The following ASPRV1 variants were observed in gnomAD, a reference collection of about 807,000 sequenced individuals.
The protein encoded by ASPRV1 is aspartic peptidase retroviral like 1, also known as retroviral-like aspartic protease 1.
Under a neutral mutation model 11.0 loss-of-function variants are expected in ASPRV1, and 7 were observed. The observed-to-expected ratio is 0.64, with a 90% CI of 0.36 to 1.20. ASPRV1 has a LOEUF of 1.20. Ranked by LOEUF, ASPRV1 falls within the 50% of genes most tolerant of loss-of-function variation. ASPRV1 has a pLI of 0.02. For missense variants in ASPRV1, 299 were observed against 320.0 expected, an observed-to-expected ratio of 0.93 and a Z score of 0.50; for synonymous variants, 136 against 138.4, an observed-to-expected ratio of 0.98 and a Z score of 0.12.
Position 69,960,947 on chromosome 2 carries a change from C to G in ASPRV1, c.490G>C (p.Gly164Arg), listed in dbSNP as rs1678073690. ...PFENVVKVAN[G>R]AEMKILGVWD... ...ACACCCAGGATCTTCATTTCAGCAC[C>G]ATTGGCCACCTTTACCACATTCTCA... The change falls in exon 1 of 1, where the codon GGT becomes CGT. Residue 164 changes from glycine to arginine, a missense_variant. Physicochemically the swap from Gly to Arg is moderately radical, Grantham distance 125 (BLOSUM62 -2). Transcript: ENST00000320256. 6.2e-7 allele frequency: 1 copy of G among 1,613,990 alleles called. No homozygotes were observed. The highest frequency in any genetic ancestry group is 8.5e-7 in the Non-Finnish European group (1 of 1,180,014).
chr2:69,986,776 G>C, the ASPRV1 span, among the ~76,000 whole-genome samples: 12 of 152,346 alleles, frequency 7.9e-5, no homozygotes, highest in East Asian at 1.9e-3. Flanking sequence ...CACCCATTGG[G>C]ACATTTGTGG....
At chr2:70,000,788 C>CAAAAAAAAAAAAAAAAAAAAAAAAAA in the ASPRV1 span, among the ~76,000 whole-genome samples, 6 of 42,038 alleles carry the variant, frequency 1.4e-4, no homozygotes, top group African/African-American at 2.7e-4. Context: ...GACCCTGCCT[C>CAAAAAAAAAAAAAAAAAAAAAAAAAA]AAAAAAAAAA....
chr2:70,054,749 C>A, the ASPRV1 span, among the ~76,000 whole-genome samples: 1 of 152,146 alleles, frequency 6.6e-6, no homozygotes, highest in Non-Finnish European at 1.5e-5. Flanking sequence ...CAAATAACCA[C>A]ATCTCCCCCT....
At chr2:70,068,902 G>C in the ASPRV1 span, among the ~76,000 whole-genome samples, 1 of 134,416 alleles carries the variant, frequency 7.4e-6, no homozygotes, top group Non-Finnish European at 1.5e-5. Context: ...CAGAGATTGT[G>C]CCATTGCACT....
the ASPRV1 span, among the ~76,000 whole-genome samples, chr2:70,025,469 A>G: frequency 2.0e-5 from 3 of 152,288 alleles, no homozygotes; most frequent in South Asian, 6.2e-4. Flanking sequence ...AAGGATGGAG[A>G]TGACCAGTGT....
At chr2:70,069,900 G>A in the ASPRV1 span, among the ~76,000 whole-genome samples, 1 of 152,064 alleles carries the variant, frequency 6.6e-6, no homozygotes, top group Non-Finnish European at 1.5e-5. Context: ...AAACAACCTT[G>A]AACAGAAAAA....
upstream of ASPRV1, among the ~76,000 whole-genome samples, chr2:69,965,632 G>A (rs1055652452): frequency 6.6e-6 from 1 of 152,124 alleles, no homozygotes; most frequent in Non-Finnish European, 1.5e-5. Context: ...TTTGACCACA[G>A]CGAGATACAT....
the ASPRV1 span, among the ~76,000 whole-genome samples, chr2:70,079,425 A>T: frequency 6.6e-6 from 1 of 152,174 alleles, no homozygotes; most frequent in Non-Finnish European, 1.5e-5. Context: ...GTCAACTATT[A>T]TCATGCCACT....
the ASPRV1 span, among the ~76,000 whole-genome samples, chr2:70,017,330 T>TA: frequency 6.6e-6 from 1 of 152,170 alleles, no homozygotes; most frequent in South Asian, 2.1e-4. Context: ...TCAACAAAAT[T>TA]AAACATCCTT....
the ASPRV1 span, among the ~76,000 whole-genome samples, chr2:69,980,431 A>G: frequency 0.037 from 5,576 of 152,300 alleles, 345 homozygotes; most frequent in African/African-American, 0.13. Flanking sequence ...TTGTGGGAAT[A>G]TAAATTTATA....
At chr2:70,000,246 G>T in the ASPRV1 span, among the ~76,000 whole-genome samples, 1 of 151,006 alleles carries the variant, frequency 6.6e-6, no homozygotes, top group Non-Finnish European at 1.5e-5. Flanking sequence ...TACTGGGCAG[G>T]CTAAGGCAGG....
At chr2:69,964,401 TG>T (rs1397741599), upstream of ASPRV1, 2 of 444,200 alleles carry the variant, frequency 4.5e-6, no homozygotes, top group East Asian at 7.0e-5. Flanking sequence ...CATCAGCCTC[TG>T]GCCGAGTCTG....
At chr2:70,011,369 C>T in the ASPRV1 span, among the ~76,000 whole-genome samples, 6 of 151,942 alleles carry the variant, frequency 3.9e-5, no homozygotes, top group African/African-American at 1.5e-4. Context: ...AGGGAGAAGA[C>T]CCTTGCAATC....
At chr2:69,942,533 C>T in the ASPRV1 span, 1 of 152,078 alleles carries the variant, frequency 6.6e-6, no homozygotes, top group Admixed American at 6.6e-5. Context: ...AAGATTTATC[C>T]AGATTTTTAC....
At chr2:70,027,284 A>G in the ASPRV1 span, among the ~76,000 whole-genome samples, 711 of 142,128 alleles carry the variant, frequency 5.0e-3, 5 homozygotes, top group African/African-American at 0.018. Context: ...AAAAAAAAAA[A>G]GCGGGGGGTG....
the ASPRV1 span, among the ~76,000 whole-genome samples, chr2:69,989,442 T>TG: frequency 3.9e-5 from 6 of 152,174 alleles, no homozygotes; most frequent in African/African-American, 7.2e-5. Context: ...TGCACGTACA[T>TG]GGGGGGCCTC....
the ASPRV1 span, among the ~76,000 whole-genome samples, chr2:69,989,476 G>C: frequency 1.3e-5 from 2 of 152,212 alleles, no homozygotes; most frequent in East Asian, 1.9e-4. Context: ...TAAGGCCCAG[G>C]AATGGGGGGC....
At chr2:70,055,053 A>T in the ASPRV1 span, among the ~76,000 whole-genome samples, 4 of 152,246 alleles carry the variant, frequency 2.6e-5, no homozygotes, top group African/African-American at 9.6e-5. Flanking sequence ...CTATAATCCC[A>T]GCACTTTGGG....
At chr2:69,996,214 C>CA in the ASPRV1 span, among the ~76,000 whole-genome samples, 36,220 of 53,918 alleles carry the variant, frequency 0.67, 12,830 homozygotes, top group Middle Eastern at 0.75. Flanking sequence ...CCCCATCTCT[C>CA]AAAAAAAAAA....
Sources: gnomAD v4.1 joint callset for allele counts (sites outside exome capture counted in the v4.1 genomes callset) on GRCh38, gnomAD v4.1.1 for gene constraint, MANE v1.5 for transcripts, NCBI Gene and HGNC (gene_info 2026-07-23, HGNC 2026-07-21) for gene names.